Variants in OFD1 observed in about 807,000 individuals in gnomAD.
OFD1 encodes centriole and centriolar satellite protein OFD1.
OFD1 carries 12 observed loss-of-function variants against 81.4 expected under a neutral mutation model. That is an observed-to-expected ratio of 0.15 (90% CI 0.09 to 0.24). The LOEUF (loss-of-function observed/expected upper bound fraction) is 0.24, where lower values mean the gene tolerates loss of function less well. Among genes scored for constraint, OFD1 ranks in the 10% least tolerant of loss-of-function variants. The pLI is 1.00. For synonymous variants in OFD1, 256 were observed against 263.7 expected (o/e 0.97, Z 0.28); for missense variants, 685 against 733.9 (o/e 0.93, Z 0.77).
At chrX:13,770,160 A>G (rs1444848792), downstream of OFD1, among the ~76,000 whole-genome samples, 2 of 112,269 alleles carry the variant, frequency 1.8e-5, no homozygotes, top group African/African-American at 3.2e-5. Context: ...CAGGATCACT[A>G]TGGGTAATTA....
At chrX:13,766,313 G>C (rs964641386) in intron 19 of OFD1, among the ~76,000 whole-genome samples, 8 of 111,680 alleles carry the variant, frequency 7.2e-5, no homozygotes, top group African/African-American at 2.6e-4. Context: ...CAGTAGTCCA[G>C]GGAGATGGTG....
intron 21 of OFD1, 25 bp from the exon 22 acceptor site, chrX:13,768,693 T>C (rs2048225476): frequency 1.7e-6 from 2 of 1,177,875 alleles, no homozygotes; most frequent in Admixed American, 2.2e-5. Flanking sequence ...AATTTCAAAA[T>C]TTTCCACCCT....
At chrX:13,716,813 A>G in the OFD1 span, 1 of 533,433 alleles carries the variant, frequency 1.9e-6, no homozygotes, top group East Asian at 3.9e-5. Context: ...TGTTATTGTC[A>G]TGAGACTTAT....
At chrX:13,730,177 C>G (rs146773482), upstream of OFD1, among the ~76,000 whole-genome samples, 1,191 of 109,467 alleles carry the variant, frequency 0.011, 20 homozygotes, top group African/African-American at 0.038. Context: ...ACCCATCTGA[C>G]GAAGGGCTAA....
rs1042210656 is a variant in OFD1 at position 13,736,256 on chromosome X, A to C, written c.112-222A>C. 1.1e-5 allele frequency: 11 copies of C among 1,000,454 alleles called. No homozygotes were observed. In the Admixed American group the frequency reaches 1.4e-4, roughly 13 times the overall value. The allele number at this position is 1,000,454 out of a possible 1,213,427, so 82.4% of individuals were successfully genotyped here. A position where few individuals can be genotyped will look rare whatever the true frequency, so the allele number is the denominator to read the frequency against. The stretch of plus-strand genomic sequence containing the variant: ...CGTTTCATTTGGAAGCTGGGGAAAG[A>C]AAGCTTTTTCTAGAACCCACTGGAC... On this transcript the variant is annotated intron_variant, in intron 2 of 22. Coordinates refer to ENST00000340096, the MANE Select transcript of OFD1 (RefSeq NM_003611.3).
chrX:13,739,209 TAAAA>T (rs778093063), intron 5 of OFD1, 177 bp downstream of exon 5: 2 of 432,429 alleles, frequency 4.6e-6, no homozygotes, highest in Non-Finnish European at 8.0e-6. Context: ...GATATTCAAT[TAAAA>T]AAACTGTAGA....
intron 14 of OFD1, 63 bp from the exon 15 acceptor site, chrX:13,758,273 TC>T: frequency 1.2e-6 from 1 of 805,464 alleles, no homozygotes; most frequent in Non-Finnish European, 1.9e-6. Flanking sequence ...AGAGAACTTT[TC>T]CTTTTGAAGC....
chrX:13,768,280 G>A, intron 21 of OFD1, 56 bp downstream of exon 21: 1 of 931,947 alleles, frequency 1.1e-6, no homozygotes, highest in Admixed American at 2.2e-5. Context: ...GGGCTTCCGT[G>A]GCTTAACTTC....
chrX:13,718,361 C>T, the OFD1 span, among the ~76,000 whole-genome samples: 1 of 113,010 alleles, frequency 8.8e-6, no homozygotes, highest in African/African-American at 3.2e-5. Context: ...GTGTCTGGCT[C>T]ACAGCAGTGT....
Position 13,755,214 on chromosome X carries a change from A to C in OFD1, c.1193A>C (p.Gln398Pro), listed in dbSNP as rs1444891027. The part of the protein sequence containing the change: ...AINSKKEELN[Q>P]SVNRVKELEL... ...AATTCAAAAAAGGAGGAACTCAATC[A>C]ATCTGTAAATCGTGTGAAAGAACTT... is the stretch of plus-strand genomic sequence containing the variant. The change falls in exon 12 of 23, where the codon CAA becomes CCA. Residue 398 changes from glutamine (Q) to proline (P), a missense_variant. By Grantham distance (76) the Gln-to-Pro change is moderately conservative (BLOSUM62 -1). Coordinates refer to ENST00000340096, the MANE Select transcript of OFD1 (RefSeq NM_003611.3). 8.4e-7 allele frequency: 1 copy of C among 1,195,751 alleles called. No homozygotes were observed. Among genetic ancestry groups the C allele is most frequent in the African/African-American group, 1.7e-5 (1 of 57,229 alleles).
the OFD1 span, among the ~76,000 whole-genome samples, chrX:13,717,034 TA>T: frequency 1.3e-3 from 51 of 37,934 alleles, no homozygotes; most frequent in East Asian, 0.01. Context: ...GATACTATGT[TA>T]AAAAAAAAAA....
At chrX:13,715,988 A>G in the OFD1 span, 4 of 1,174,329 alleles carry the variant, frequency 3.4e-6, no homozygotes, top group Non-Finnish European at 3.4e-6. Context: ...TTTAAAAATT[A>G]TAGAACATAC....
chrX:13,763,863 C>G lies in OFD1; in HGVS notation c.2599+8C>G. ...TCTCATATCAGCACCCAAGTAAGTTCTTTTTTTGAACTAACAGTCAGCAGG... is the reference window on the plus strand; with the variant it reads ...TCTCATATCAGCACCCAAGTAAGTTGTTTTTTTGAACTAACAGTCAGCAGG... On this transcript the variant is annotated splice_region_variant and intron_variant, in intron 19 of 22. Coordinates refer to ENST00000340096, the MANE Select transcript of OFD1 (RefSeq NM_003611.3). 1 of 1,174,676 alleles carries G rather than the reference C, an allele frequency of 8.5e-7. No individual in the cohort carries two copies. Among genetic ancestry groups the G allele is most frequent in the Non-Finnish European group, 1.2e-6 (1 of 862,240 alleles).
At chrX:13,719,836 C>T in the OFD1 span, 1 of 952,509 alleles carries the variant, frequency 1.0e-6, no homozygotes, top group South Asian at 2.2e-5. Flanking sequence ...CATATTATAC[C>T]ATATCATTAC....
chrX:13,755,946 C>CTTTTTTTTTTTTTTTTTTTTTTTTTTTT (rs34300430), intron 12 of OFD1, among the ~76,000 whole-genome samples: 3 of 65,098 alleles, frequency 4.6e-5, no homozygotes, highest in African/African-American at 2.0e-4. Context: ...CTTTCTTTCC[C>CTTTTTTTTTTTTTTTTTTTTTTTTTTTT]TTTTTTTTTT....
chrX:13,740,096 G>T (rs1265139623), intron 5 of OFD1: 1 of 961,129 alleles, frequency 1.0e-6, no homozygotes, highest in Non-Finnish European at 1.3e-6. Context: ...CAGCCATTAA[G>T]TCTGTGACTT....
intron 3 of OFD1, among the ~76,000 whole-genome samples, chrX:13,737,104 G>A (rs1479128454): frequency 3.6e-5 from 4 of 110,520 alleles, no homozygotes; most frequent in Non-Finnish European, 5.7e-5. Context: ...TAACTTTTAA[G>A]TGACAATGCA....
At chrX:13,733,702 C>G (rs770881431), upstream of OFD1, among the ~76,000 whole-genome samples, 4 of 111,845 alleles carry the variant, frequency 3.6e-5, no homozygotes, top group African/African-American at 3.2e-5. Context: ...CAGCACACAA[C>G]TCTGGAGTCA....
chrX:13,740,087 A>G (rs1007038832), intron 5 of OFD1: 29 of 950,425 alleles, frequency 3.1e-5, no homozygotes, highest in Non-Finnish European at 3.5e-5. Flanking sequence ...ATTTTCTGCC[A>G]GCCATTAAGT....
Sources: gnomAD v4.1 joint callset for allele counts (sites outside exome capture counted in the v4.1 genomes callset) on GRCh38, gnomAD v4.1.1 for gene constraint, MANE v1.5 for transcripts, NCBI Gene and HGNC (gene_info 2026-07-23, HGNC 2026-07-21) for gene names.